Variants in ACAT2 observed in about 807,000 individuals in gnomAD.
The protein encoded by ACAT2 is acetyl-CoA acetyltransferase 2, also known as acetyl-CoA acetyltransferase, cytosolic.
In ACAT2, 26 loss-of-function variants were observed where a neutral mutation model predicts 37.1. The ratio of observed to expected loss-of-function variants is 0.70; its 90% CI spans 0.51 to 0.97. The LOEUF is 0.97. Ranked by LOEUF, ACAT2 falls within the 50% of genes least tolerant of loss-of-function variation. ACAT2 has a pLI of 0.00. For synonymous variants in ACAT2, 156 were observed against 163.6 expected (o/e 0.95, Z 0.35); for missense variants, 468 against 489.0 (o/e 0.96, Z 0.40).
At position 159,777,936 on chromosome 6, in the gene ACAT2, TTTTAAGACAA is replaced by T. The variant is rs1201220884; in HGVS notation, c.913-229_913-220del. 2.0e-5 allele frequency among the ~76,000 whole-genome samples: 3 copies of T among 152,312 alleles called. No individual in the cohort carries two copies. The East Asian group carries it at 5.8e-4, about 29-fold the overall frequency. On this transcript the variant is annotated intron_variant, in intron 7 of 8. Transcript: ENST00000367048. ...CATAACAGATGCTACTGGTTCAAAA[TTTTAAGACAA>T]TTTAGAATTTCTAAGGGATCTTTTA...
At chr6:159,778,351 T>C in intron 8 of ACAT2, 71 bp downstream of exon 8, 1 of 1,120,298 alleles carries the variant, frequency 8.9e-7, no homozygotes, top group Non-Finnish European at 1.3e-6. Flanking sequence ...TAGTATCTTC[T>C]AGGTGTTGGC....
rs1028210662 is a variant in ACAT2, at chr6:159,778,894, T to G, written c.*65T>G. 9 of 1,602,434 alleles carry G rather than the reference T, an allele frequency of 5.6e-6. No individual in the cohort carries two copies. The African/African-American group carries it at 1.1e-4, about 19-fold the overall frequency. ...TAATAAAGTACTAGGTTGCAATATGTGAAATCAGAGGACCAAAGTACAGAT... is the reference window on the plus strand; with the variant it reads ...TAATAAAGTACTAGGTTGCAATATGGGAAATCAGAGGACCAAAGTACAGAT... On this transcript the variant is annotated 3_prime_UTR_variant, in exon 9 of 9. Coordinates refer to ENST00000367048, the MANE Select transcript of ACAT2 (RefSeq NM_005891.3).
intron 8 of ACAT2, 149 bp downstream of exon 8, chr6:159,778,429 A>T (rs1780480571): frequency 1.0e-5 from 1 of 98,988 alleles, no homozygotes; most frequent in Non-Finnish European, 2.3e-5. Context: ...AGGTTTAAAA[A>T]AAAAAAAAAA....
At chr6:159,767,296 CA>C in intron 3 of ACAT2, 110 bp downstream of exon 3, 1 of 1,160,364 alleles carries the variant, frequency 8.6e-7, no homozygotes, top group Non-Finnish European at 1.2e-6. Flanking sequence ...AAACAGTGAA[CA>C]AATAAACAGA....
chr6:159,778,814 T>A lies in ACAT2; in HGVS notation c.1179T>A (p.Cys393Ter). Residue 393 changes from cysteine to a stop codon, truncating the protein, a stop_gained, in exon 9 of 9, where the codon TGT becomes TGA. Transcript: ENST00000367048. LOFTEE classifies it high-confidence loss of function. ...GGGGTGGGATGGGAATAGCAATGTG[T>A]GTTCAGAGAGAATGAATTGCTTAAA... ...CIGGGMGIAM[C>*]VQRE The A allele has an allele frequency of 6.2e-7, 1 of 1,614,210 alleles. No homozygotes were observed. The highest frequency in any genetic ancestry group is 8.5e-7 in the Non-Finnish European group (1 of 1,180,038).
intron 2 of ACAT2, among the ~76,000 whole-genome samples, chr6:159,763,302 C>T (rs933685579): frequency 6.6e-6 from 1 of 152,170 alleles, no homozygotes; most frequent in East Asian, 1.9e-4. Flanking sequence ...CCTGTAATCC[C>T]AGCACTTTGG....
intron 2 of ACAT2, among the ~76,000 whole-genome samples, chr6:159,764,938 C>G (rs141670611): frequency 8.8e-4 from 134 of 152,306 alleles, no homozygotes; most frequent in Non-Finnish European, 1.7e-3. Flanking sequence ...TGTCCTATTC[C>G]TTGAGCCAGA....
Position 159,767,041 on chromosome 6 carries a change from G to A in ACAT2, c.227G>A (p.Gly76Asp), listed in dbSNP as rs372204062. The A allele has an allele frequency of 6.2e-7, 1 of 1,613,966 alleles. No homozygotes were observed. The highest frequency in any genetic ancestry group is 1.1e-5 in the South Asian group (1 of 91,082). ...GQNPVRQASV[G>D]AGIPYSVPAW... Reference sequence around the variant, plus strand: ...AATCCTGTTAGACAAGCCAGTGTGGGTGCAGGAATTCCCTACTCTGTTCCA... The same window carrying A: ...AATCCTGTTAGACAAGCCAGTGTGGATGCAGGAATTCCCTACTCTGTTCCA... The change falls in exon 3 of 9, where the codon GGT (glycine) becomes GAT (aspartate). Residue 76 changes from glycine to aspartate, a missense_variant. By Grantham distance (94) the Gly-to-Asp change is moderately conservative. Transcript: ENST00000367048.
intron 1 of ACAT2, chr6:159,762,690 C>T: frequency 6.7e-7 from 1 of 1,503,742 alleles, no homozygotes; most frequent in South Asian, 1.2e-5. Context: ...GCTACAGCGG[C>T]GTCCCTAGGC....
chr6:159,767,880 T>G (rs574204838), intron 3 of ACAT2, among the ~76,000 whole-genome samples: 2 of 152,294 alleles, frequency 1.3e-5, no homozygotes, highest in South Asian at 4.1e-4. Flanking sequence ...GTGTAGTACT[T>G]TACCAGGTGC....
chr6:159,778,449 AGAC>A (rs1780481888), intron 8 of ACAT2, 169 bp downstream of exon 8: 4 of 638,854 alleles, frequency 6.3e-6, no homozygotes, highest in Non-Finnish European at 1.0e-5. Flanking sequence ...AAAAAAAAAA[AGAC>A]ATTGGCTTAC....
At chr6:159,762,592 T>C (rs1780167073) in intron 1 of ACAT2, 1 of 1,373,770 alleles carries the variant, frequency 7.3e-7, no homozygotes, top group Non-Finnish European at 9.5e-7. Flanking sequence ...TCGTGCCGCA[T>C]GGTTTTCAAC....
intron 1 of ACAT2, 45 bp downstream of exon 1, chr6:159,762,187 C>T (rs887715496): frequency 6.9e-6 from 11 of 1,587,836 alleles, no homozygotes; most frequent in Non-Finnish European, 9.4e-6. Flanking sequence ...GCGCCTGCTG[C>T]TTCGGCAGGA....
intron 6 of ACAT2, among the ~76,000 whole-genome samples, chr6:159,776,893 A>G (rs752213237): frequency 7.2e-5 from 11 of 152,048 alleles, no homozygotes; most frequent in Non-Finnish European, 1.0e-4. Flanking sequence ...GGTTCAAGCA[A>G]TTCTCCTGTC....
chr6:159,767,039 G>A lies in ACAT2; in HGVS notation c.225G>A (p.Val75=), dbSNP rs367846016. ...AGAATCCTGTTAGACAAGCCAGTGT[G>A]GGTGCAGGAATTCCCTACTCTGTTC... ...CGQNPVRQAS[V]GAGIPYSVPA... Residue 75 remains valine, a synonymous_variant, in exon 3 of 9, where the codon GTG becomes GTA. Transcript: ENST00000367048. The A allele has an allele frequency of 1.7e-5, 28 of 1,613,986 alleles. No homozygotes were observed. The highest frequency in any genetic ancestry group is 2.3e-5 in the Non-Finnish European group (27 of 1,179,942).
intron 2 of ACAT2, among the ~76,000 whole-genome samples, chr6:159,764,435 A>T (rs972076018): frequency 2.0e-5 from 3 of 149,708 alleles, no homozygotes; most frequent in African/African-American, 7.6e-5. Context: ...TTAATTAATT[A>T]ATTATTATTA....
chr6:159,763,078 A>G lies in ACAT2; in HGVS notation c.190+25A>G. 1.9e-6 allele frequency: 3 copies of G among 1,598,862 alleles called. No homozygotes were observed. In the South Asian group the frequency reaches 3.4e-5, roughly 18 times the overall value. On this transcript the variant is annotated intron_variant, in intron 2 of 8. Transcript: ENST00000367048. The stretch of plus-strand genomic sequence containing the variant: ...GGTAAGTCTCAGTGATTCCAGGAGA[A>G]GTCAGGCTTATTAGAAACAGCCCAT...
At chr6:159,768,233 T>C (rs1780284549) in intron 3 of ACAT2, among the ~76,000 whole-genome samples, 1 of 152,114 alleles carries the variant, frequency 6.6e-6, no homozygotes, top group Non-Finnish European at 1.5e-5. Context: ...AAAGAATAAA[T>C]GGAATTCTTA....
intron 2 of ACAT2, among the ~76,000 whole-genome samples, chr6:159,766,396 C>CG (rs386409138): frequency 1.0e-5 from 1 of 97,168 alleles, no homozygotes; most frequent in Admixed American, 1.1e-4. Flanking sequence ...TATTTAAGCA[C>CG]CCCCCCGCAC....
Sources: allele counts gnomAD v4.1 joint callset (sites outside exome capture counted in the v4.1 genomes callset), GRCh38; gene constraint gnomAD v4.1.1; transcripts MANE v1.5; gene names NCBI Gene and HGNC (gene_info 2026-07-23, HGNC 2026-07-21).